Variants in CHEK2 observed in about 807,000 individuals in gnomAD.
CHEK2 encodes the protein checkpoint kinase 2.
CHEK2 carries 71 observed loss-of-function variants against 69.1 expected under a neutral mutation model. The observed-to-expected ratio is 1.03, with a 90% CI of 0.85 to 1.25. The LOEUF (loss-of-function observed/expected upper bound fraction) is 1.25. Ranked by LOEUF, CHEK2 falls within the 50% of genes most tolerant of loss-of-function variation. The pLI is 0.00. For missense variants in CHEK2, 664 were observed against 649.6 expected (o/e 1.02, Z -0.24); for synonymous variants, 189 against 226.9 (o/e 0.83, Z 1.50).
intron 4 of CHEK2, among the ~76,000 whole-genome samples, chr22:28,723,607 AAAAG>A (rs1405880541): frequency 4.8e-5 from 7 of 146,738 alleles, no homozygotes; most frequent in African/African-American, 1.2e-4. Flanking sequence ...CAAGGAAAAA[AAAAG>A]AAAAAAAAAA....
At chr22:28,702,135 CTGTGTGTGTGTG>C (rs141703411) in intron 8 of CHEK2, among the ~76,000 whole-genome samples, 6 of 140,310 alleles carry the variant, frequency 4.3e-5, no homozygotes, top group Non-Finnish European at 7.6e-5. Context: ...GTGTGTGTGT[CTGTGTGTGTGTG>C]TGTGTGTGTG....
At chr22:28,716,499 T>C (rs925157624) in intron 5 of CHEK2, among the ~76,000 whole-genome samples, 1 of 151,894 alleles carries the variant, frequency 6.6e-6, no homozygotes, top group Admixed American at 6.6e-5. Flanking sequence ...GCCCAGCCCA[T>C]ACATTTCTTA....
intron 5 of CHEK2, among the ~76,000 whole-genome samples, chr22:28,717,572 TA>T (rs879895705): frequency 3.5e-4 from 50 of 141,826 alleles, no homozygotes; most frequent in South Asian, 4.5e-4. Context: ...ATCTCTACAG[TA>T]AAAAAAAAAA....
chr22:28,705,534 C>A (rs548254491), intron 7 of CHEK2, among the ~76,000 whole-genome samples: 1 of 152,126 alleles, frequency 6.6e-6, no homozygotes, highest in South Asian at 2.1e-4. Flanking sequence ...TGGTCCCAGG[C>A]GTTTTGGATA....
chr22:28,696,356 C>T (rs1481969887), intron 10 of CHEK2, among the ~76,000 whole-genome samples: 2 of 152,202 alleles, frequency 1.3e-5, no homozygotes, highest in Middle Eastern at 6.8e-3. Context: ...GGAAAGGCAG[C>T]GCATGTGATT....
chr22:28,729,075 G>A (rs1400013036), intron 2 of CHEK2, among the ~76,000 whole-genome samples: 2 of 152,068 alleles, frequency 1.3e-5, no homozygotes, highest in African/African-American at 4.8e-5. Flanking sequence ...GAAGAAATTC[G>A]GAACGGAACA....
intron 2 of CHEK2, among the ~76,000 whole-genome samples, chr22:28,725,908 CA>C (rs34005683): frequency 1.9e-4 from 27 of 142,842 alleles, no homozygotes; most frequent in Admixed American, 3.5e-4. Context: ...GACCCAGTTT[CA>C]AAAAAAAAAA....
chr22:28,699,575 G>A (rs949559507), intron 9 of CHEK2, among the ~76,000 whole-genome samples: 1 of 151,904 alleles, frequency 6.6e-6, no homozygotes, highest in Admixed American at 6.6e-5. Context: ...ATGTTGGTCA[G>A]GATGGTTTTG....
chr22:28,720,369 G>C (rs1377661676), intron 4 of CHEK2, among the ~76,000 whole-genome samples: 1 of 150,352 alleles, frequency 6.7e-6, no homozygotes, highest in Admixed American at 6.6e-5. Context: ...GGGATTACAG[G>C]AGTTAGCCAA....
At chr22:28,730,641 C>G (rs1001561819) in intron 2 of CHEK2, 2 of 499,300 alleles carry the variant, frequency 4.0e-6, no homozygotes, top group Non-Finnish European at 7.5e-6. Context: ...GTGGATCACC[C>G]GAGGGCAGGA....
chr22:28,722,505 A>T (rs1162798650), intron 4 of CHEK2, among the ~76,000 whole-genome samples: 5 of 145,304 alleles, frequency 3.4e-5, no homozygotes, highest in Non-Finnish European at 7.5e-5. Flanking sequence ...ATGCCACTGC[A>T]CTCCAGCCTG....
chr22:28,693,076 A>T, intron 13 of CHEK2, among the ~76,000 whole-genome samples: 1 of 152,196 alleles, frequency 6.6e-6, no homozygotes, highest in Non-Finnish European at 1.5e-5. Context: ...GCAGTGTGAG[A>T]ACAGACTAAT....
chr22:28,694,704 A>T (rs1289514630), intron 12 of CHEK2, among the ~76,000 whole-genome samples: 1 of 152,244 alleles, frequency 6.6e-6, no homozygotes, highest in Non-Finnish European at 1.5e-5. Flanking sequence ...TATAAAATAC[A>T]AGGTAACTAA....
At position 28,734,736 on chromosome 22, in the gene CHEK2, G is replaced by C. The variant is rs565169061; in HGVS notation, c.-6-9C>G. 1.2e-6 allele frequency: 2 copies of C among 1,605,906 alleles called. No homozygotes were observed. Among genetic ancestry groups the C allele is most frequent in the South Asian group, 1.1e-5 (1 of 90,672 alleles). Reference sequence around the variant, plus strand: ...TCCCGAGACATCACGACCTCAAAAAGAAAGTGTCCAACAACAAAGGTGAGT... The same window carrying C: ...TCCCGAGACATCACGACCTCAAAAACAAAGTGTCCAACAACAAAGGTGAGT... On this transcript the variant is annotated splice_polypyrimidine_tract_variant and intron_variant, in intron 1 of 14. Coordinates refer to ENST00000404276, the MANE Select transcript of CHEK2 (RefSeq NM_007194.4).
chr22:28,693,107 C>A (rs1807477), intron 13 of CHEK2, among the ~76,000 whole-genome samples: 91,642 of 151,986 alleles, frequency 0.6, 28,018 homozygotes, highest in South Asian at 0.74. Context: ...AAAAAAAATT[C>A]ATAGAAAGGG....
Position 28,710,078 on chromosome 22 carries a change from CAG to C in CHEK2, c.793-21_793-20del, listed in dbSNP as rs1719605865. ...CTGGGTCCTTTGATAAACAGAATAA[CAG>C]AGTTTATTAGTAATAATAATTGCCA... On this transcript the variant is annotated intron_variant, in intron 6 of 14. Transcript: ENST00000404276. 6.7e-7 allele frequency: 1 copy of C among 1,502,422 alleles called. No individual in the cohort carries two copies. 93.1% of individuals were successfully genotyped at this position (1,502,422 alleles called of 1,614,324 possible).
intron 9 of CHEK2, 76 bp from the exon 10 acceptor site, chr22:28,697,063 C>T: frequency 2.3e-6 from 2 of 870,950 alleles, no homozygotes; most frequent in South Asian, 1.3e-5. Context: ...CCAACACACA[C>T]ATCTCACAGC....
chr22:28,688,534 T>C (rs1253280936), intron 14 of CHEK2, among the ~76,000 whole-genome samples: 1 of 152,136 alleles, frequency 6.6e-6, no homozygotes, highest in African/African-American at 2.4e-5. Flanking sequence ...CTGGGCACAG[T>C]GGCGGACACC....
In CHEK2 at chr22:28,732,538, T is replaced by G. The variant is rs544389743; in HGVS notation, c.319+1865A>C. Among the ~76,000 whole-genome samples the G allele has an allele frequency of 8.5e-5, 13 of 152,292 alleles. No homozygotes were observed. In the South Asian group the frequency reaches 2.7e-3, roughly 32 times the overall value. On this transcript the variant is annotated intron_variant, in intron 2 of 14. Transcript: ENST00000404276. The stretch of plus-strand genomic sequence containing the variant: ...CTGGGATTACAGGCATGAGCCACAA[T>G]GCCCGGTCTGAAAAATATATTTTAA...
Sources: allele counts gnomAD v4.1 joint callset (sites outside exome capture counted in the v4.1 genomes callset), GRCh38; gene constraint gnomAD v4.1.1; transcripts MANE v1.5; gene names NCBI Gene and HGNC (gene_info 2026-07-23, HGNC 2026-07-21).